Variants in HOGA1 observed in about 807,000 individuals in gnomAD.
HOGA1 encodes the protein 4-hydroxy-2-oxoglutarate aldolase, mitochondrial.
A neutral mutation model predicts 34.3 loss-of-function variants in HOGA1; 30 were observed. That is an observed-to-expected ratio of 0.87 (90% CI 0.65 to 1.19). The LOEUF (loss-of-function observed/expected upper bound fraction) is 1.19. Ranked by LOEUF, HOGA1 falls within the 50% of genes most tolerant of loss-of-function variation. The pLI is 0.00. For synonymous variants in HOGA1, 161 were observed against 174.0 expected (o/e 0.93, Z 0.59); for missense variants, 417 against 436.5 (o/e 0.96, Z 0.40).
chr10:97,601,217 G>A (rs2041113526), intron 5 of HOGA1, among the ~76,000 whole-genome samples: 5 of 152,132 alleles, frequency 3.3e-5, no homozygotes, highest in Admixed American at 3.3e-4. Context: ...TGTGCCTAGG[G>A]TTCCACTCCT....
chr10:97,604,547 C>G (rs775334069), intron 6 of HOGA1, among the ~76,000 whole-genome samples: 21 of 152,066 alleles, frequency 1.4e-4, no homozygotes, highest in Non-Finnish European at 2.8e-4. Context: ...TGGTCTCAAA[C>G]TCCTGGTCTC....
rs183301169 is a variant in HOGA1, at chr10:97,601,876, C to T, written c.720C>T (p.Cys240=). 6.4e-5 allele frequency: 103 copies of T among 1,612,406 alleles called. No individual in the cohort carries two copies. In the East Asian group the frequency reaches 2.1e-3, roughly 33 times the overall value. Residue 240 remains cysteine, a synonymous_variant, in exon 6 of 7, where the codon TGC becomes TGT. Coordinates refer to ENST00000370646, the MANE Select transcript of HOGA1 (RefSeq NM_138413.4). ...GTGCAGGAGCTGTGGGGGGCGTCTG[C>T]GCCCTGGCCAATGTCCTGGGGGCTC... is the stretch of plus-strand genomic sequence containing the variant. ...SYALGAVGGV[C]ALANVLGAQV...
At chr10:97,599,967 C>A in intron 4 of HOGA1, 100 bp from the exon 5 acceptor site, 1 of 1,481,652 alleles carries the variant, frequency 6.7e-7, no homozygotes, top group Non-Finnish European at 9.4e-7. Flanking sequence ...TTCTTGAGGG[C>A]ATCTCTTTGA....
chr10:97,610,801 AAAAT>A (rs1301756249), intron 6 of HOGA1, among the ~76,000 whole-genome samples: 1 of 152,132 alleles, frequency 6.6e-6, no homozygotes, highest in Non-Finnish European at 1.5e-5. Context: ...CTGTCTCAAA[AAAAT>A]AAATAAATAA....
At chr10:97,606,469 A>G (rs1426507919) in intron 6 of HOGA1, among the ~76,000 whole-genome samples, 1 of 152,070 alleles carries the variant, frequency 6.6e-6, no homozygotes, top group Non-Finnish European at 1.5e-5. Flanking sequence ...TTTTTCCCTA[A>G]TGGATATTCA....
In HOGA1 at chr10:97,599,138, T is replaced by A; in HGVS notation, c.390T>A (p.Ala130=). 3 of 1,613,844 alleles carry A rather than the reference T, an allele frequency of 1.9e-6. No homozygotes were observed. Among genetic ancestry groups the A allele is most frequent in the Non-Finnish European group, 2.5e-6 (3 of 1,180,020 alleles). Residue 130 remains alanine (A), a synonymous_variant, in exon 3 of 7, where the codon GCT becomes GCA. Coordinates refer to ENST00000370646, the MANE Select transcript of HOGA1 (RefSeq NM_138413.4). ...CCGTCAGCATGGCCCAGGTCGGGGC[T>A]GACGCGGCCATGGTGGTGACCCCTT... ...EMTVSMAQVG[A]DAAMVVTPCY...
chr10:97,604,990 A>T (rs1391021280), intron 6 of HOGA1, among the ~76,000 whole-genome samples: 1 of 151,990 alleles, frequency 6.6e-6, no homozygotes, highest in Non-Finnish European at 1.5e-5. Context: ...CAATAAATAA[A>T]TAAATAAAAG....
rs1403443057 is a variant in HOGA1, at chr10:97,592,002, C to A, written c.212-6773C>A. Among the ~76,000 whole-genome samples, 3 of 151,358 alleles carry A rather than the reference C, an allele frequency of 2.0e-5. No homozygotes were observed. In the East Asian group the frequency reaches 5.8e-4, roughly 29 times the overall value. Reference sequence around the variant, plus strand: ...CAAAGGCACACACCACCATGCCTGGCAAATTTTTTTTGTATTTTTAGTAGA... The same window carrying A: ...CAAAGGCACACACCACCATGCCTGGAAAATTTTTTTTGTATTTTTAGTAGA... On this transcript the variant is annotated intron_variant, in intron 1 of 6. Transcript: ENST00000370646.
chr10:97,594,663 T>A (rs1229011689), intron 1 of HOGA1, among the ~76,000 whole-genome samples: 3 of 150,932 alleles, frequency 2.0e-5, no homozygotes, highest in Non-Finnish European at 3.0e-5. Flanking sequence ...TAATTTTAAT[T>A]TTTTTTTAGT....
chr10:97,610,145 T>C (rs1209619465), intron 6 of HOGA1, among the ~76,000 whole-genome samples: 2 of 152,230 alleles, frequency 1.3e-5, no homozygotes, highest in Non-Finnish European at 2.9e-5. Flanking sequence ...TGATGCTTCA[T>C]TTATTCTGTA....
At chr10:97,607,743 T>C (rs1196780950) in intron 6 of HOGA1, among the ~76,000 whole-genome samples, 1 of 152,180 alleles carries the variant, frequency 6.6e-6, no homozygotes, top group African/African-American at 2.4e-5. Flanking sequence ...TTGGGAAGAA[T>C]TGGGACAAGT....
At position 97,601,967 on chromosome 10, in the gene HOGA1, C is replaced by G; in HGVS notation, c.811C>G (p.Arg271Gly). 6.2e-7 allele frequency: 1 copy of G among 1,612,700 alleles called. No individual in the cohort carries two copies. Among genetic ancestry groups the G allele is most frequent in the South Asian group, 1.1e-5 (1 of 90,738 alleles). The change falls in exon 6 of 7, where the codon CGC becomes GGC. Residue 271 changes from arginine (R) to glycine (G), a missense_variant. Coordinates refer to ENST00000370646, the MANE Select transcript of HOGA1 (RefSeq NM_138413.4). ...GGAAGATGCCCAGAAACTGCAGCAC[C>G]GCCTCATTGAGCCAAACGCTGCGGT... Reference protein sequence around the residue: ...QWEDAQKLQHRLIEPNAAVTR... With the variant: ...QWEDAQKLQHGLIEPNAAVTR...
chr10:97,593,937 C>T (rs866834926), intron 1 of HOGA1, among the ~76,000 whole-genome samples: 12 of 151,938 alleles, frequency 7.9e-5, no homozygotes, highest in South Asian at 2.1e-4. Flanking sequence ...GGCACGACCT[C>T]GGCTCACTGT....
chr10:97,604,101 C>T (rs1176466520), intron 6 of HOGA1, among the ~76,000 whole-genome samples: 1 of 152,204 alleles, frequency 6.6e-6, no homozygotes, highest in African/African-American at 2.4e-5. Context: ...TCACAGGCTC[C>T]TTAACCTCTA....
At chr10:97,602,984 G>A (rs2135724656) in intron 6 of HOGA1, among the ~76,000 whole-genome samples, 1 of 152,064 alleles carries the variant, frequency 6.6e-6, no homozygotes, top group South Asian at 2.1e-4. Flanking sequence ...AAGCCACAGT[G>A]CCCGGCCTAT....
intron 6 of HOGA1, chr10:97,602,516 A>T (rs755142414): frequency 1.0e-6 from 1 of 985,408 alleles, no homozygotes; most frequent in Non-Finnish European, 1.2e-6. Context: ...TTCAGAGAGA[A>T]CGCCCATCAA....
chr10:97,601,811 G>A (rs1254029433), intron 5 of HOGA1, 46 bp from the exon 6 acceptor site: 4 of 1,611,354 alleles, frequency 2.5e-6, no homozygotes, highest in Non-Finnish European at 3.4e-6. Flanking sequence ...TGGGATGCCT[G>A]GAGGGGAGAG....
Position 97,586,691 on chromosome 10 carries a change from A to C in HOGA1, c.211+1777A>C, listed in dbSNP as rs543655941. ...TGTTTGCCTGACACCCAGAGAATCCACAGAGACCCCCAGACTCTTCTCTGG... is the reference window on the plus strand; with the variant it reads ...TGTTTGCCTGACACCCAGAGAATCCCCAGAGACCCCCAGACTCTTCTCTGG... On this transcript the variant is annotated intron_variant, in intron 1 of 6. Transcript: ENST00000370646. 1.0e-3 allele frequency among the ~76,000 whole-genome samples: 159 copies of C among 152,284 alleles called. 1 individual carries two copies. The highest frequency in any genetic ancestry group is 3.8e-3 in the African/African-American group (157 of 41,560).
chr10:97,597,537 C>T (rs1035128527), intron 1 of HOGA1, among the ~76,000 whole-genome samples: 4 of 152,010 alleles, frequency 2.6e-5, no homozygotes, highest in Non-Finnish European at 5.9e-5. Context: ...AACAGGAAAA[C>T]GCAAAATAAA....
Sources: allele counts gnomAD v4.1 joint callset (sites outside exome capture counted in the v4.1 genomes callset), GRCh38; gene constraint gnomAD v4.1.1; transcripts MANE v1.5; gene names NCBI Gene and HGNC (gene_info 2026-07-23, HGNC 2026-07-21).